Variants in MARCHF1 observed in about 807,000 individuals in gnomAD.
MARCHF1 encodes membrane associated ring-CH-type finger 1.
MARCHF1 carries 40 observed loss-of-function variants against 54.2 expected under a neutral mutation model. That is an observed-to-expected ratio of 0.74 (90% CI 0.57 to 0.96). The LOEUF (loss-of-function observed/expected upper bound fraction) is 0.96. Among genes scored for constraint, MARCHF1 ranks in the 40% least tolerant of loss-of-function variants. MARCHF1 has a pLI of 0.00. For synonymous variants in MARCHF1, 236 were observed against 236.3 expected (o/e 1.00, Z 0.01); for missense variants, 586 against 656.5 (o/e 0.89, Z 1.17).
At chr4:164,305,762 G>C (rs1170567350) in intron 1 of MARCHF1, among the ~76,000 whole-genome samples, 1 of 152,088 alleles carries the variant, frequency 6.6e-6, no homozygotes, top group African/African-American at 2.4e-5. Flanking sequence ...AGAAGATTTT[G>C]AATGATCACA....
chr4:163,785,094 T>C (rs1747578790), intron 4 of MARCHF1, among the ~76,000 whole-genome samples: 1 of 152,102 alleles, frequency 6.6e-6, no homozygotes, highest in Non-Finnish European at 1.5e-5. Flanking sequence ...AGAGAGATAA[T>C]TAATCTTAAA....
At chr4:163,878,703 A>T (rs1750347876) in intron 3 of MARCHF1, among the ~76,000 whole-genome samples, 1 of 152,166 alleles carries the variant, frequency 6.6e-6, no homozygotes, top group Non-Finnish European at 1.5e-5. Context: ...ACCAAAATAA[A>T]CCATCTTCAG....
At chr4:163,762,575 T>C (rs1462478065) in intron 4 of MARCHF1, among the ~76,000 whole-genome samples, 2 of 152,132 alleles carry the variant, frequency 1.3e-5, no homozygotes, top group Non-Finnish European at 2.9e-5. Flanking sequence ...AAGGTTTTTG[T>C]ATTCCAGAAT....
Position 163,528,870 on chromosome 4 carries a change from T to G in MARCHF1, c.1516A>C (p.Lys506Gln). Residue 506 changes from lysine to glutamine, a missense_variant, in exon 10 of 10, where the codon AAG becomes CAG. This residue lies in a region of MARCHF1 where 106 missense variants were observed against 93.8 expected (regional missense o/e 1.13). Coordinates refer to ENST00000514618, the MANE Select transcript of MARCHF1 (RefSeq NM_001394959.1). ...GTGTTTACATTACATGAGAAGTTCT[T>G]CTCCAGTTTTTTGGCAGTGTCTGGG... ...NCPDTAKKLE[K>Q]NFSCNVNTDI... 4 of 1,613,314 alleles carry G rather than the reference T, an allele frequency of 2.5e-6. No individual in the cohort carries two copies. The highest frequency in any genetic ancestry group is 3.4e-6 in the Non-Finnish European group (4 of 1,179,536).
chr4:164,277,917 T>C (rs1432884075), intron 1 of MARCHF1, among the ~76,000 whole-genome samples: 3 of 152,140 alleles, frequency 2.0e-5, no homozygotes, highest in Non-Finnish European at 4.4e-5. Flanking sequence ...AAAGATTGTA[T>C]ATAGAAAATT....
intron 2 of MARCHF1, among the ~76,000 whole-genome samples, chr4:163,989,721 A>G (rs988390780): frequency 3.9e-5 from 6 of 152,162 alleles, no homozygotes; most frequent in Non-Finnish European, 8.8e-5. Flanking sequence ...TTCCCGCATG[A>G]TTATTCCCTC....
chr4:164,206,387 A>C (rs1159527581), intron 1 of MARCHF1, among the ~76,000 whole-genome samples: 1 of 152,222 alleles, frequency 6.6e-6, no homozygotes, highest in Non-Finnish European at 1.5e-5. Flanking sequence ...CAGTGAGCCA[A>C]GGTCATGCCA....
At chr4:163,808,865 G>A (rs1051422554) in intron 4 of MARCHF1, among the ~76,000 whole-genome samples, 1 of 152,102 alleles carries the variant, frequency 6.6e-6, no homozygotes, top group Non-Finnish European at 1.5e-5. Context: ...CACCGTGCCC[G>A]GCCTGGAAAT....
intron 7 of MARCHF1, among the ~76,000 whole-genome samples, chr4:163,602,090 AT>A (rs1476638723): frequency 7.2e-5 from 11 of 151,936 alleles, no homozygotes; most frequent in Non-Finnish European, 1.2e-4. Flanking sequence ...TTTTAAAATT[AT>A]TTTTTATAAG....
chr4:164,031,225 G>C (rs1753870022), intron 2 of MARCHF1, among the ~76,000 whole-genome samples: 1 of 151,906 alleles, frequency 6.6e-6, no homozygotes, highest in South Asian at 2.1e-4. Context: ...GTTTTGGGAT[G>C]GTATATGTGT....
intron 5 of MARCHF1, among the ~76,000 whole-genome samples, chr4:163,627,156 T>C (rs992715863): frequency 6.6e-6 from 1 of 152,250 alleles, no homozygotes; most frequent in African/African-American, 2.4e-5. Context: ...TCATTTATAA[T>C]ATTTCCAACA....
intron 5 of MARCHF1, among the ~76,000 whole-genome samples, chr4:163,654,324 A>G (rs1291218980): frequency 1.3e-5 from 2 of 151,794 alleles, no homozygotes; most frequent in Non-Finnish European, 3.0e-5. Flanking sequence ...AAGTGCAAGA[A>G]AAAAGGAAAA....
intron 1 of MARCHF1, among the ~76,000 whole-genome samples, chr4:164,312,493 T>C (rs1477313374): frequency 6.6e-6 from 1 of 151,778 alleles, no homozygotes; most frequent in Non-Finnish European, 1.5e-5. Flanking sequence ...CAGCTAATTT[T>C]TTGTATATTT....
chr4:164,147,589 G>T (rs920622974), intron 1 of MARCHF1, among the ~76,000 whole-genome samples: 11 of 142,110 alleles, frequency 7.7e-5, no homozygotes, highest in African/African-American at 2.7e-4. Flanking sequence ...AACCAAACAC[G>T]CATATTCTCA....
At chr4:163,777,195 C>T (rs1747332465) in intron 4 of MARCHF1, among the ~76,000 whole-genome samples, 1 of 152,162 alleles carries the variant, frequency 6.6e-6, no homozygotes, top group Non-Finnish European at 1.5e-5. Context: ...GTTATGCCTT[C>T]TCTGAAGATG....
chr4:164,316,278 T>G (rs1734994744), intron 1 of MARCHF1, among the ~76,000 whole-genome samples: 1 of 152,138 alleles, frequency 6.6e-6, no homozygotes, highest in Non-Finnish European at 1.5e-5. Context: ...TTCTTTGTTT[T>G]GAGGAGAGGG....
At chr4:163,827,293 AT>A (rs925107164) in intron 4 of MARCHF1, among the ~76,000 whole-genome samples, 3 of 151,884 alleles carry the variant, frequency 2.0e-5, no homozygotes, top group African/African-American at 7.3e-5. Flanking sequence ...TCTCCATGGG[AT>A]TAGGAGAGTC....
At chr4:163,873,050 A>AC (rs372688493) in intron 3 of MARCHF1, among the ~76,000 whole-genome samples, 4,689 of 150,610 alleles carry the variant, frequency 0.031, 110 homozygotes, top group Admixed American at 0.067. Flanking sequence ...TCTCAAAAAA[A>AC]AAACAAACAA....
intron 2 of MARCHF1, among the ~76,000 whole-genome samples, chr4:164,025,151 T>A: frequency 6.6e-6 from 1 of 150,938 alleles, no homozygotes; most frequent in East Asian, 1.9e-4. Flanking sequence ...GTAAAACATT[T>A]CAAGACTCCA....
Sources: allele counts gnomAD v4.1 joint callset (sites outside exome capture counted in the v4.1 genomes callset), GRCh38; gene constraint gnomAD v4.1.1; regional missense constraint gnomAD v4.1.1; transcripts MANE v1.5; gene names NCBI Gene and HGNC (gene_info 2026-07-23, HGNC 2026-07-21).